PPM1E: variants seen among roughly 807,000 people sequenced by gnomAD.
The protein encoded by PPM1E is protein phosphatase 1E.
In PPM1E, 20 loss-of-function variants were observed where a neutral mutation model predicts 65.9. The observed-to-expected ratio is 0.30, with a 90% CI of 0.21 to 0.44. PPM1E has a LOEUF of 0.44. PPM1E is among the 20% of genes least tolerant of loss of function. PPM1E has a pLI of 1.00. For synonymous variants in PPM1E, 352 were observed against 374.9 expected (o/e 0.94, Z 0.70); for missense variants, 713 against 953.1 (o/e 0.75, Z 3.32).
At chr17:58,776,266 G>A (rs2049993411) in intron 1 of PPM1E, among the ~76,000 whole-genome samples, 1 of 152,126 alleles carries the variant, frequency 6.6e-6, no homozygotes, top group Non-Finnish European at 1.5e-5. Context: ...GTTTGTGGTT[G>A]CAGTGAGCCA....
intron 1 of PPM1E, among the ~76,000 whole-genome samples, chr17:58,765,567 G>A (rs1421315283): frequency 2.0e-5 from 3 of 152,178 alleles, no homozygotes; most frequent in Non-Finnish European, 2.9e-5. Context: ...TATATGAAGA[G>A]TAATGAACTG....
At chr17:58,878,985 A>T (rs1215686256) in intron 1 of PPM1E, among the ~76,000 whole-genome samples, 6 of 151,644 alleles carry the variant, frequency 4.0e-5, no homozygotes, top group Non-Finnish European at 7.4e-5. Flanking sequence ...TATTTTCCTC[A>T]CCTTGCCATT....
chr17:58,788,509 A>T (rs981354728), intron 1 of PPM1E, among the ~76,000 whole-genome samples: 3 of 152,214 alleles, frequency 2.0e-5, no homozygotes, highest in African/African-American at 7.2e-5. Context: ...TTTACTTAGC[A>T]GAAGCCATCC....
At chr17:58,813,387 T>G (rs942336580) in intron 1 of PPM1E, among the ~76,000 whole-genome samples, 1 of 152,206 alleles carries the variant, frequency 6.6e-6, no homozygotes, top group Non-Finnish European at 1.5e-5. Flanking sequence ...TAACTTGTCT[T>G]CATAGGACTT....
intron 1 of PPM1E, among the ~76,000 whole-genome samples, chr17:58,859,310 C>T (rs1392196920): frequency 6.6e-6 from 1 of 152,194 alleles, no homozygotes; most frequent in Non-Finnish European, 1.5e-5. Context: ...GAAGATGCAG[C>T]TGCATGCTAC....
chr17:58,937,678 C>G (rs1208214088), intron 1 of PPM1E, among the ~76,000 whole-genome samples: 1 of 149,078 alleles, frequency 6.7e-6, no homozygotes, highest in East Asian at 2.0e-4. Context: ...AGCTCGAGAC[C>G]ATCCTGGCCA....
chr17:58,771,129 A>C (rs1388398839), intron 1 of PPM1E, among the ~76,000 whole-genome samples: 1 of 151,914 alleles, frequency 6.6e-6, no homozygotes, highest in African/African-American at 2.4e-5. Flanking sequence ...TGCTGGGATT[A>C]CAGGCGTGAG....
chr17:58,812,294 ACT>A (rs1156513610), intron 1 of PPM1E, among the ~76,000 whole-genome samples: 8 of 118,216 alleles, frequency 6.8e-5, no homozygotes, highest in Admixed American at 5.6e-4. Flanking sequence ...ACAGAGCAAG[ACT>A]CTGTTTCAAA....
chr17:58,832,393 G>A (rs2143182180), intron 1 of PPM1E, among the ~76,000 whole-genome samples: 1 of 152,008 alleles, frequency 6.6e-6, no homozygotes, highest in East Asian at 1.9e-4. Flanking sequence ...TAGCACTCCT[G>A]GTATGTTCTG....
chr17:58,777,186 A>G (rs944091115), intron 1 of PPM1E, among the ~76,000 whole-genome samples: 2 of 152,188 alleles, frequency 1.3e-5, no homozygotes, highest in African/African-American at 2.4e-5. Flanking sequence ...TTCAACCACC[A>G]TTGAACCCCA....
rs551433560 is a variant in PPM1E at position 58,931,404 on chromosome 17, AAGGG to A, written c.465-24230_465-24227del. On this transcript the variant is annotated intron_variant, in intron 1 of 6. Transcript: ENST00000308249. ...TACATCACAAAAAAAGGAAGGAAGGAAGGGAGGGAGGGAGGGAGAGAAGGAGGGA... is the reference window on the plus strand; with the variant it reads ...TACATCACAAAAAAAGGAAGGAAGGAAGGGAGGGAGGGAGAGAAGGAGGGA... Among the ~76,000 whole-genome samples, 337 of 145,412 alleles carry A rather than the reference AAGGG, an allele frequency of 2.3e-3. 3 individuals are homozygous for A. Among genetic ancestry groups the A allele is most frequent in the African/African-American group, 7.9e-3 (317 of 40,110 alleles).
At chr17:58,811,549 TTTGTA>T (rs1388547256) in intron 1 of PPM1E, among the ~76,000 whole-genome samples, 3 of 152,332 alleles carry the variant, frequency 2.0e-5, no homozygotes, top group Non-Finnish European at 4.4e-5. Flanking sequence ...ACTTTTTTCT[TTTGTA>T]TTGTTAACTG....
chr17:58,768,075 C>T (rs756064998), intron 1 of PPM1E, among the ~76,000 whole-genome samples: 4 of 152,084 alleles, frequency 2.6e-5, no homozygotes, highest in Non-Finnish European at 5.9e-5. Flanking sequence ...CTCATCCTCC[C>T]AAGTAGCTGG....
chr17:58,784,524 C>A (rs1391654641), intron 1 of PPM1E, among the ~76,000 whole-genome samples: 2 of 129,910 alleles, frequency 1.5e-5, no homozygotes, highest in African/African-American at 5.6e-5. Context: ...TTTTTTGAGA[C>A]GGAGTCTTTA....
At chr17:58,806,427 G>GT (rs1479672935) in intron 1 of PPM1E, among the ~76,000 whole-genome samples, 1 of 150,832 alleles carries the variant, frequency 6.6e-6, no homozygotes, top group East Asian at 1.9e-4. Context: ...CTAATAAATG[G>GT]TAAAAAAAAA....
At chr17:58,849,004 G>A (rs2050798685) in intron 1 of PPM1E, among the ~76,000 whole-genome samples, 1 of 152,140 alleles carries the variant, frequency 6.6e-6, no homozygotes, top group South Asian at 2.1e-4. Flanking sequence ...AGTCTTGGGA[G>A]GGTGTATGTG....
intron 1 of PPM1E, among the ~76,000 whole-genome samples, chr17:58,934,523 A>G (rs916723635): frequency 6.6e-6 from 1 of 152,230 alleles, no homozygotes; most frequent in Non-Finnish European, 1.5e-5. Flanking sequence ...TTCAGCAAAT[A>G]TGTATTGAGC....
At chr17:58,876,815 G>A (rs2051131673) in intron 1 of PPM1E, among the ~76,000 whole-genome samples, 1 of 152,046 alleles carries the variant, frequency 6.6e-6, no homozygotes. Context: ...ACGGAGTCTG[G>A]CCCTGTCCGC....
chr17:58,779,853 T>G (rs1426710937), intron 1 of PPM1E, among the ~76,000 whole-genome samples: 1 of 152,248 alleles, frequency 6.6e-6, no homozygotes, highest in Non-Finnish European at 1.5e-5. Context: ...ATAATGTGAT[T>G]ATTCTACTAC....
Sources: allele counts gnomAD v4.1 joint callset (sites outside exome capture counted in the v4.1 genomes callset), GRCh38; gene constraint gnomAD v4.1.1; transcripts MANE v1.5; gene names NCBI Gene and HGNC (gene_info 2026-07-23, HGNC 2026-07-21).